RUVBL2: variants seen among roughly 807,000 people sequenced by gnomAD.
RUVBL2 encodes ruvB-like 2.
In RUVBL2, 9 loss-of-function variants were observed where a neutral mutation model predicts 57.9. The ratio of observed to expected loss-of-function variants is 0.16; its 90% CI spans 0.09 to 0.27. The LOEUF is 0.27. RUVBL2 is among the 10% of genes least tolerant of loss of function. The pLI is 1.00. For missense variants in RUVBL2, 456 were observed against 669.6 expected (o/e 0.68, Z 3.52); for synonymous variants, 278 against 264.6 (o/e 1.05, Z -0.49).
At chr19:49,008,883 G>T (rs2039339898) in intron 6 of RUVBL2, among the ~76,000 whole-genome samples, 1 of 152,080 alleles carries the variant, frequency 6.6e-6, no homozygotes, top group East Asian at 1.9e-4. Flanking sequence ...GGAGGCTAAG[G>T]CAGGAGAATC....
Position 49,004,292 on chromosome 19 carries a change from G to A in RUVBL2, c.139G>A (p.Val47Met), listed in dbSNP as rs1283651747. The change falls in exon 4 of 15, where the codon GTG becomes ATG. Residue 47 changes from valine (V) to methionine (M), a missense_variant. Physicochemically the swap from Val to Met is conservative, Grantham distance 21. Transcript: ENST00000595090. ...CCACCCACAGGCTTCGCAAGGCATG[G>A]TGGGTCAGCTGGCGGCACGGCGGGC... The part of the protein sequence containing the change: ...LEPRQASQGM[V>M]GQLAARRAAG... The A allele has an allele frequency of 1.2e-6, 2 of 1,612,418 alleles. No individual in the cohort carries two copies. Among genetic ancestry groups the A allele is most frequent in the South Asian group, 1.1e-5 (1 of 91,036 alleles).
intron 1 of RUVBL2, among the ~76,000 whole-genome samples, chr19:48,996,417 C>G (rs561157026): frequency 6.6e-6 from 1 of 151,410 alleles, no homozygotes; most frequent in South Asian, 2.1e-4. Flanking sequence ...TGCCTCTCTC[C>G]CATGTTCAAA....
rs776950660 is a variant in RUVBL2, at chr19:49,003,272, C to A, written c.68-7C>A. The A allele has an allele frequency of 6.2e-7, 1 of 1,604,718 alleles. No homozygotes were observed. Among genetic ancestry groups the A allele is most frequent in the Non-Finnish European group, 8.5e-7 (1 of 1,174,104 alleles). On this transcript the variant is annotated splice_polypyrimidine_tract_variant and splice_region_variant and intron_variant, in intron 2 of 14. Transcript: ENST00000595090. ...TAACTGAGTCTTTGTTCTTTCCCTTCATGTAGGTGCCCACTCCCACATCCG... is the reference window on the plus strand; with the variant it reads ...TAACTGAGTCTTTGTTCTTTCCCTTAATGTAGGTGCCCACTCCCACATCCG...
At chr19:48,998,338 T>C (rs1276502363) in intron 1 of RUVBL2, among the ~76,000 whole-genome samples, 2 of 152,300 alleles carry the variant, frequency 1.3e-5, no homozygotes, top group Non-Finnish European at 2.9e-5. Flanking sequence ...GGCCAGAGCA[T>C]GTCCAGCTCC....
intron 13 of RUVBL2, 107 bp from the exon 14 acceptor site, chr19:49,015,465 C>A: frequency 2.1e-6 from 2 of 934,386 alleles, no homozygotes; most frequent in Non-Finnish European, 3.4e-6. Context: ...GCCCTCCCCT[C>A]ACATGCCACA....
At chr19:48,996,552 G>A (rs1480580516) in intron 1 of RUVBL2, among the ~76,000 whole-genome samples, 1 of 150,428 alleles carries the variant, frequency 6.6e-6, no homozygotes, top group African/African-American at 2.5e-5. Flanking sequence ...TAGTGATAGA[G>A]TCTTGCTCTG....
chr19:49,006,905 G>C, intron 4 of RUVBL2, 113 bp from the exon 5 acceptor site: 1 of 1,389,788 alleles, frequency 7.2e-7, no homozygotes, highest in East Asian at 2.3e-5. Flanking sequence ...TTACATGTAG[G>C]ATGGCACTGA....
intron 2 of RUVBL2, chr19:49,001,622 T>TG (rs1192408099): frequency 6.6e-6 from 1 of 151,528 alleles, no homozygotes; most frequent in Non-Finnish European, 1.5e-5. Context: ...TTATTTTATT[T>TG]TTTTTTTTGA....
rs761253396 is a variant in RUVBL2, at chr19:49,009,999, C to T, written c.596C>T (p.Thr199Met). The T allele has an allele frequency of 1.9e-5, 30 of 1,590,370 alleles. No individual in the cohort carries two copies. The highest frequency in any genetic ancestry group is 4.0e-5 in the African/African-American group (3 of 74,386). Reference sequence around the variant, plus strand: ...GACGTGATCACCATCGACAAGGCGACGGGCAAGATCTCCAAGCTGGGCCGC... The same window carrying T: ...GACGTGATCACCATCGACAAGGCGATGGGCAAGATCTCCAAGCTGGGCCGC... ...AGDVITIDKA[T>M]GKISKLGRSF... Residue 199 changes from threonine to methionine, a missense_variant, in exon 8 of 15, where the codon ACG becomes ATG. Physicochemically the swap from Thr to Met is moderately conservative, Grantham distance 81. Around this residue, in one of 5 missense-constraint regions of RUVBL2, gnomAD observed 233 missense variants for 306.0 expected, o/e 0.76. Coordinates refer to ENST00000595090, the MANE Select transcript of RUVBL2 (RefSeq NM_006666.3).
At position 49,015,024 on chromosome 19, in the gene RUVBL2, C is replaced by T. The variant is rs778178759; in HGVS notation, c.1125C>T (p.Cys375=). The T allele has an allele frequency of 1.4e-5, 23 of 1,598,760 alleles. No homozygotes were observed. Among genetic ancestry groups the T allele is most frequent in the African/African-American group, 4.0e-5 (3 of 74,528 alleles). Residue 375 remains cysteine (C), a synonymous_variant, in exon 13 of 15, where the codon TGC becomes TGT. Transcript: ENST00000595090. ...CCCTGTCCCCCACTGCTTGCAGGTG[C>T]GAGGAAGAAGATGTGGAGATGAGTG... ...KDTKQILRIR[C]EEEDVEMSED... is the part of the protein sequence containing the mutation.
At chr19:49,009,460 G>C (rs140524868) in intron 6 of RUVBL2, among the ~76,000 whole-genome samples, 7 of 151,268 alleles carry the variant, frequency 4.6e-5, no homozygotes, top group South Asian at 4.2e-4. Flanking sequence ...ACACTCCAGC[G>C]TGGGCGACAG....
intron 2 of RUVBL2, among the ~76,000 whole-genome samples, chr19:48,999,738 G>A (rs996093299): frequency 2.3e-4 from 35 of 152,294 alleles, no homozygotes; most frequent in Admixed American, 8.5e-4. Context: ...TCCTAGCTGT[G>A]TCCCTAGCAC....
chr19:49,015,689 A>G lies in RUVBL2; in HGVS notation c.1366+3A>G. 2 of 1,613,108 alleles carry G rather than the reference A, an allele frequency of 1.2e-6. No homozygotes were observed. The highest frequency in any genetic ancestry group is 8.5e-7 in the Non-Finnish European group (1 of 1,179,192). On this transcript the variant is annotated splice_donor_region_variant and intron_variant, in intron 14 of 14. Coordinates refer to ENST00000595090, the MANE Select transcript of RUVBL2 (RefSeq NM_006666.3). ...CGCCTTCCTCTTCAACGAACTCAGT[A>G]AGAATCCCCACCCCGCACCTGCACT...
chr19:49,001,163 AT>A (rs546503511), intron 2 of RUVBL2, among the ~76,000 whole-genome samples: 331 of 137,216 alleles, frequency 2.4e-3, no homozygotes, highest in Middle Eastern at 7.5e-3. Flanking sequence ...AAATAAAAAC[AT>A]TTTTTTTTTT....
In RUVBL2 at chr19:49,011,795, C is replaced by T. The variant is rs948420502; in HGVS notation, c.1001+485C>T. On this transcript the variant is annotated intron_variant, in intron 11 of 14. Coordinates refer to ENST00000595090, the MANE Select transcript of RUVBL2 (RefSeq NM_006666.3). The surrounding 1 kb of genome is among the most constrained non-coding windows in gnomAD (Gnocchi z 4.4). ...CTCTGCTGAAGCCTGGGAACCTCAT[C>T]TCCCAGGTGTTGCCAGCACCCTGTG... Among the ~76,000 whole-genome samples the T allele has an allele frequency of 2.5e-5, 3 of 120,130 alleles. No individual in the cohort carries two copies. The highest frequency in any genetic ancestry group is 7.7e-5 in the African/African-American group (3 of 39,108). The allele number at this position is 120,130 out of a possible 152,430, so 78.8% of individuals were successfully genotyped here.
intron 1 of RUVBL2, among the ~76,000 whole-genome samples, chr19:48,996,948 C>G (rs977803567): frequency 6.6e-6 from 1 of 152,012 alleles, no homozygotes; most frequent in Admixed American, 6.6e-5. Flanking sequence ...CAGGTGGGAG[C>G]CACTACGCCC....
At chr19:49,006,549 G>A (rs1024527157) in intron 4 of RUVBL2, among the ~76,000 whole-genome samples, 1 of 152,246 alleles carries the variant, frequency 6.6e-6, no homozygotes, top group South Asian at 2.1e-4. Context: ...GGCTCAGGGA[G>A]CAGTTCAGAT....
chr19:49,007,411 C>T (rs745806045), intron 6 of RUVBL2, 43 bp downstream of exon 6: 6 of 1,576,966 alleles, frequency 3.8e-6, no homozygotes, highest in East Asian at 4.5e-5. Flanking sequence ...CCACCTCCAG[C>T]GCCAGGGTTG....
At chr19:48,998,726 A>AG (rs370539668) in intron 1 of RUVBL2, among the ~76,000 whole-genome samples, 2 of 149,080 alleles carry the variant, frequency 1.3e-5, no homozygotes, top group African/African-American at 5.0e-5. Flanking sequence ...AGAAAAAAAA[A>AG]AAAGAAATGG....
Sources: gnomAD v4.1 joint callset for allele counts (sites outside exome capture counted in the v4.1 genomes callset) on GRCh38, gnomAD v4.1.1 for gene constraint, gnomAD v4.1.1 regional missense constraint, Gnocchi (gnomAD v3.1) non-coding constraint, MANE v1.5 for transcripts, NCBI Gene and HGNC (gene_info 2026-07-23, HGNC 2026-07-21) for gene names.